The following MAP3K6 variants were observed in gnomAD, a reference collection of about 807,000 sequenced individuals.
The protein encoded by MAP3K6 is mitogen-activated protein kinase kinase kinase 6, also known as apoptosis signal-regulating kinase 2.
Under a neutral mutation model 147.1 loss-of-function variants are expected in MAP3K6, and 105 were observed. That is an observed-to-expected ratio of 0.71 (90% CI 0.61 to 0.84). The LOEUF is 0.84. Among genes scored for constraint, MAP3K6 ranks in the 40% least tolerant of loss-of-function variants. The pLI is 0.00. For missense variants in MAP3K6, 1,569 were observed against 1,715.0 expected (o/e 0.91, Z 1.50); for synonymous variants, 695 against 732.4 (o/e 0.95, Z 0.82).
At position 27,359,326 on chromosome 1, in the gene MAP3K6, A is replaced by G. The variant is rs541380783; in HGVS notation, c.2425+91T>C. On this transcript the variant is annotated intron_variant, in intron 18 of 28. Transcript: ENST00000357582. The surrounding 1 kb of genome is among the most constrained non-coding windows in gnomAD (Gnocchi z 4.4). ...CATTCCCCATTAGGACTCTAACTCC[A>G]TGCCTAGGAGAAACCCCCTTCCCTG... The G allele has an allele frequency of 1.3e-6, 2 of 1,584,832 alleles. No homozygotes were observed. The highest frequency in any genetic ancestry group is 1.3e-5 in the African/African-American group (1 of 74,470).
Position 27,361,618 on chromosome 1 carries a change from G to C in MAP3K6, c.1588C>G (p.Leu530Val). Residue 530 changes from leucine to valine, a missense_variant, in exon 11 of 29, where the codon CTG (leucine) becomes GTG (valine). Transcript: ENST00000357582. ...GGCAGCAGCACCTTGTTCATCTCCA[G>C]GACCAGCACCTGCAGGCAGTTGGGG... ...AQGDQCLVLVLEMNKVLLPAK... is the reference protein window; with the variant it reads ...AQGDQCLVLVVEMNKVLLPAK... The C allele has an allele frequency of 6.2e-7, 1 of 1,614,172 alleles. No homozygotes were observed. The highest frequency in any genetic ancestry group is 8.5e-7 in the Non-Finnish European group (1 of 1,180,034).
At chr1:27,356,892 C>A in intron 24 of MAP3K6, 117 bp downstream of exon 24, 1 of 1,409,720 alleles carries the variant, frequency 7.1e-7, no homozygotes, top group Non-Finnish European at 9.7e-7. Flanking sequence ...GTCACGCCCC[C>A]ACCGGCGCCT....
rs2015675702 is a variant in MAP3K6 at position 27,359,820 on chromosome 1, C to T, written c.2319+38G>A. The T allele has an allele frequency of 6.2e-7, 1 of 1,611,352 alleles. No homozygotes were observed. The highest frequency in any genetic ancestry group is 8.5e-7 in the Non-Finnish European group (1 of 1,177,886). On this transcript the variant is annotated intron_variant, in intron 17 of 28. Coordinates refer to ENST00000357582, the MANE Select transcript of MAP3K6 (RefSeq NM_004672.5). This position sits in a 1 kb window ranked among gnomAD's most constrained non-coding sequence, Gnocchi z 4.4. ...TGGGACCATGTTTCCTTCCCCGCCA[C>T]CCTCAGCAGATGAGGGCGGGCCAGC...
rs900050038 is a variant in MAP3K6 at position 27,366,144 on chromosome 1, T to C, written c.340+114A>G. 1 of 1,103,536 alleles carries C rather than the reference T, an allele frequency of 9.1e-7. No individual in the cohort carries two copies. 68.4% of individuals were successfully genotyped at this position (1,103,536 alleles called of 1,614,324 possible). Reference sequence around the variant, plus strand: ...CCCTTCAGCTTTAGCTCACTTTAAGTCCCCTAGACCCGGTACCCCTCTCGG... The same window carrying C: ...CCCTTCAGCTTTAGCTCACTTTAAGCCCCCTAGACCCGGTACCCCTCTCGG... On this transcript the variant is annotated intron_variant, in intron 1 of 28. Coordinates refer to ENST00000357582, the MANE Select transcript of MAP3K6 (RefSeq NM_004672.5). This position sits in a 1 kb window ranked among gnomAD's most constrained non-coding sequence, Gnocchi z 5.5.
chr1:27,363,572 T>G, intron 5 of MAP3K6, 24 bp from the exon 6 acceptor site: 1 of 1,562,440 alleles, frequency 6.4e-7, no homozygotes, highest in Non-Finnish European at 8.7e-7. Flanking sequence ...CGGCAAGCAC[T>G]GGCATCATGG....
chr1:27,359,149 C>T lies in MAP3K6; in HGVS notation c.2425+268G>A, dbSNP rs1001413679. On this transcript the variant is annotated intron_variant, in intron 18 of 28. Transcript: ENST00000357582. The surrounding 1 kb of genome is among the most constrained non-coding windows in gnomAD (Gnocchi z 4.4). ...CAGCACACATCCTGGATTGCCTCGT[C>T]CCCCTGAACTCCATCACCTGCTTTT... Among the ~76,000 whole-genome samples, 1 of 152,144 alleles carries T rather than the reference C, an allele frequency of 6.6e-6. No homozygotes were observed. Among genetic ancestry groups the T allele is most frequent in the African/African-American group, 2.4e-5 (1 of 41,426 alleles).
chr1:27,362,256 GGA>G lies in MAP3K6; in HGVS notation c.1256-8_1256-7del. 3 of 1,607,690 alleles carry G rather than the reference GGA, an allele frequency of 1.9e-6. No individual in the cohort carries two copies. Among genetic ancestry groups the G allele is most frequent in the Non-Finnish European group, 2.5e-6 (3 of 1,176,628 alleles). On this transcript the variant is annotated splice_polypyrimidine_tract_variant and splice_region_variant and intron_variant, in intron 8 of 28. Coordinates refer to ENST00000357582, the MANE Select transcript of MAP3K6 (RefSeq NM_004672.5). ...CAGGCAGCCCAGCTTCATGCCTGGG[GGA>G]GAGAGGCATGGGCTCCAGTGAGTGT...
intron 9 of MAP3K6, 95 bp downstream of exon 9, chr1:27,361,996 G>A (rs2015793184): frequency 2.0e-6 from 3 of 1,524,210 alleles, no homozygotes; most frequent in South Asian, 1.3e-5. Context: ...AAGCAGCCAG[G>A]TCATTGGCTC....
At position 27,357,505 on chromosome 1, in the gene MAP3K6, G is replaced by A. The variant is rs2015573195; in HGVS notation, c.3153C>T (p.Asn1051=). ...RCLGAHIHTP[N]RRQLAQELRA... ...GCAGCTCCTGGGCGAGCTGCCGGCG[G>A]TTGGGAGTGTGGATGTGTGCCCCGA... Residue 1051 remains asparagine (N), a synonymous_variant, in exon 23 of 29, where the codon AAC becomes AAT. Transcript: ENST00000357582. The A allele has an allele frequency of 1.2e-6, 2 of 1,613,636 alleles. No individual in the cohort carries two copies. The highest frequency in any genetic ancestry group is 1.1e-5 in the South Asian group (1 of 91,066).
At position 27,358,404 on chromosome 1, in the gene MAP3K6, G is replaced by A. The variant is rs143620501; in HGVS notation, c.2776+15C>T. 51,843 of 1,581,976 alleles carry A rather than the reference G, an allele frequency of 0.033. 1,064 individuals are homozygous for A. The highest frequency in any genetic ancestry group is 0.037 in the Non-Finnish European group (43,376 of 1,169,608). ...CTCTGCCCTCCACTGTGCCCATCCC[G>A]CCACCCGCAAGCACCTGAGGGCCGT... On this transcript the variant is annotated intron_variant, in intron 20 of 28. Transcript: ENST00000357582. This position sits in a 1 kb window ranked among gnomAD's most constrained non-coding sequence, Gnocchi z 6.2.
In MAP3K6 at chr1:27,364,466, C is replaced by T. The variant is rs1190417244; in HGVS notation, c.505-72G>A. On this transcript the variant is annotated intron_variant, in intron 3 of 28. Transcript: ENST00000357582. This position sits in a 1 kb window ranked among gnomAD's most constrained non-coding sequence, Gnocchi z 4.4. ...GGCTAGACAAGGGGAGTGAGAGCAT[C>T]AAAGGTCAGCATCAGTGGGAATTGG... 1.3e-5 allele frequency: 20 copies of T among 1,576,000 alleles called. No individual in the cohort carries two copies. Among genetic ancestry groups the T allele is most frequent in the Non-Finnish European group, 1.7e-5 (20 of 1,148,368 alleles).
rs777211710 is a variant in MAP3K6, at chr1:27,356,592, A to G, written c.3522T>C (p.Asp1174=). The G allele has an allele frequency of 3.3e-5, 54 of 1,612,524 alleles. No individual in the cohort carries two copies. In the South Asian group the frequency reaches 5.7e-4, roughly 17 times the overall value. Residue 1174 remains aspartate, a splice_region_variant and synonymous_variant, in exon 25 of 29, where the codon GAT becomes GAC. Coordinates refer to ENST00000357582, the MANE Select transcript of MAP3K6 (RefSeq NM_004672.5). ...TGAGCGATTCCAAGGGGCTTTACCG[A>G]TCAGTCTCTGCCCTCAAGAGGCTCA... is the stretch of plus-strand genomic sequence containing the variant. ...VQLSLLRAET[D]RLREILAGKE... is the part of the protein sequence containing the mutation.
intron 13 of MAP3K6, 57 bp downstream of exon 13, chr1:27,361,100 C>CA: frequency 6.5e-7 from 1 of 1,543,212 alleles, no homozygotes; most frequent in South Asian, 1.2e-5. Flanking sequence ...TTCTTTCCCC[C>CA]ACTCCCCCCC....
chr1:27,360,160 C>T lies in MAP3K6; in HGVS notation c.2182+81G>A. The T allele has an allele frequency of 3.1e-6, 5 of 1,592,826 alleles. No individual in the cohort carries two copies. Among genetic ancestry groups the T allele is most frequent in the Non-Finnish European group, 4.3e-6 (5 of 1,167,886 alleles). The stretch of plus-strand genomic sequence containing the variant: ...CCCACACGCACTAGGGTGCATTTCC[C>T]CCTAGGGCTCTCTACCCCTGCCTGC... On this transcript the variant is annotated intron_variant, in intron 16 of 28. Coordinates refer to ENST00000357582, the MANE Select transcript of MAP3K6 (RefSeq NM_004672.5). This position sits in a 1 kb window ranked among gnomAD's most constrained non-coding sequence, Gnocchi z 4.5.
Position 27,358,561 on chromosome 1 carries a change from C to T in MAP3K6, c.2634G>A (p.Glu878=). Residue 878 remains glutamate, a synonymous_variant, in exon 20 of 29, where the codon GAG becomes GAA. Coordinates refer to ENST00000357582, the MANE Select transcript of MAP3K6 (RefSeq NM_004672.5). The surrounding 1 kb of genome is among the most constrained non-coding windows in gnomAD (Gnocchi z 6.2). ...AAGTTCGGAGGAGAAAGGCTTGGGC[C>T]TCGGCCGACAGAGAGCTGGGCATTG... ...HPPMPSSLSA[E]AQAFLLRTFE... The T allele has an allele frequency of 6.2e-7, 1 of 1,613,344 alleles. No homozygotes were observed. The highest frequency in any genetic ancestry group is 2.2e-5 in the East Asian group (1 of 44,878).
rs748834768 is a variant in MAP3K6, at chr1:27,363,326, C to T, written c.971+116G>A. On this transcript the variant is annotated intron_variant, in intron 6 of 28. Coordinates refer to ENST00000357582, the MANE Select transcript of MAP3K6 (RefSeq NM_004672.5). ...AGGGACCTATTGACATCAGTGACCCCGGTCAGCAAATTCCCCGAACAGCAG... is the reference window on the plus strand; with the variant it reads ...AGGGACCTATTGACATCAGTGACCCTGGTCAGCAAATTCCCCGAACAGCAG... 50 of 866,864 alleles carry T rather than the reference C, an allele frequency of 5.8e-5. No homozygotes were observed. The Middle Eastern group carries it at 1.2e-3, about 21-fold the overall frequency. 53.7% of individuals were successfully genotyped at this position (866,864 alleles called of 1,614,324 possible).
chr1:27,362,798 C>T (rs1013335244), intron 7 of MAP3K6, 45 bp from the exon 8 acceptor site: 1 of 1,611,050 alleles, frequency 6.2e-7, no homozygotes, highest in Admixed American at 1.7e-5. Flanking sequence ...ATGCCCACAG[C>T]ACCACCCCTC....
rs2015602809 is a variant in MAP3K6, at chr1:27,358,040, C to T, written c.2915+141G>A. The T allele has an allele frequency of 6.7e-7, 1 of 1,492,916 alleles. No homozygotes were observed. Among genetic ancestry groups the T allele is most frequent in the Non-Finnish European group, 8.9e-7 (1 of 1,121,884 alleles). 92.5% of individuals were successfully genotyped at this position (1,492,916 alleles called of 1,614,324 possible). On this transcript the variant is annotated intron_variant, in intron 21 of 28. Coordinates refer to ENST00000357582, the MANE Select transcript of MAP3K6 (RefSeq NM_004672.5). This position sits in a 1 kb window ranked among gnomAD's most constrained non-coding sequence, Gnocchi z 6.2. Reference sequence around the variant, plus strand: ...ACACAACAAGTCCAAGTTAGAGTTGCCAGAACAGGGCATGGGGAGGCACCA... The same window carrying T: ...ACACAACAAGTCCAAGTTAGAGTTGTCAGAACAGGGCATGGGGAGGCACCA...
chr1:27,359,774 T>C lies in MAP3K6; in HGVS notation c.2319+84A>G. 6.3e-7 allele frequency: 1 copy of C among 1,587,950 alleles called. No homozygotes were observed. The highest frequency in any genetic ancestry group is 8.6e-7 in the Non-Finnish European group (1 of 1,162,526). Reference sequence around the variant, plus strand: ...CTTTGCAACAGGTCTGCTCACTTAATCTAAACTGCCAGCCTGCGTCTGGGA... The same window carrying C: ...CTTTGCAACAGGTCTGCTCACTTAACCTAAACTGCCAGCCTGCGTCTGGGA... On this transcript the variant is annotated intron_variant, in intron 17 of 28. Transcript: ENST00000357582. The surrounding 1 kb of genome is among the most constrained non-coding windows in gnomAD (Gnocchi z 4.4).
Sources: allele counts gnomAD v4.1 joint callset (sites outside exome capture counted in the v4.1 genomes callset), GRCh38; gene constraint gnomAD v4.1.1; non-coding constraint Gnocchi (gnomAD v3.1); transcripts MANE v1.5; gene names NCBI Gene and HGNC (gene_info 2026-07-23, HGNC 2026-07-21).